The following MCMBP variants were observed in gnomAD, a reference collection of about 807,000 sequenced individuals.
The protein encoded by MCMBP is minichromosome maintenance complex binding protein.
In MCMBP, 31 loss-of-function variants were observed where a neutral mutation model predicts 81.3. The ratio of observed to expected loss-of-function variants is 0.38; its 90% confidence interval spans 0.29 to 0.51. The LOEUF is 0.51. Ranked by LOEUF, MCMBP falls within the 20% of genes least tolerant of loss-of-function variation. MCMBP has a pLI of 0.87. For synonymous variants in MCMBP, 267 were observed against 275.9 expected, an observed-to-expected ratio of 0.97 and a Z score of 0.32; for missense variants, 645 against 772.1, an observed-to-expected ratio of 0.84 and a Z score of 1.95.
chr10:119,845,031 C>T (rs1035352585), intron 8 of MCMBP, among the ~76,000 whole-genome samples: 1 of 152,114 alleles, frequency 6.6e-6, no homozygotes, highest in African/African-American at 2.4e-5. Context: ...TAATAAACTC[C>T]CCTTCATATA....
chr10:119,860,532 T>C (rs959376271), intron 1 of MCMBP, among the ~76,000 whole-genome samples: 15 of 152,180 alleles, frequency 9.9e-5, no homozygotes, highest in Non-Finnish European at 1.5e-4. Flanking sequence ...TACTTTTTAT[T>C]TAATCTACCA....
At position 119,830,278 on chromosome 10, in the gene MCMBP, G is replaced by A. The variant is rs989849905; in HGVS notation, c.*1196C>T. 1 of 152,612 alleles carries A rather than the reference G, an allele frequency of 6.6e-6. No individual in the cohort carries two copies. The highest frequency in any genetic ancestry group is 1.5e-5 in the Non-Finnish European group (1 of 68,036). The allele number at this position is 152,612 out of a possible 1,614,324, so 9.5% of individuals were successfully genotyped here. ...GGTAAGTTATTTGATACCACTGACA[G>A]CTTAAAAAGTAATGTCCTAACCTTT... is the stretch of plus-strand genomic sequence containing the variant. On this transcript the variant is annotated 3_prime_UTR_variant, in exon 16 of 16. Transcript: ENST00000369077.
intron 6 of MCMBP, 88 bp downstream of exon 6, chr10:119,852,962 A>G: frequency 6.8e-7 from 1 of 1,468,074 alleles, no homozygotes; most frequent in South Asian, 1.3e-5. Flanking sequence ...GCTCCTAAAT[A>G]TAGAGCTATA....
In MCMBP at chr10:119,849,446, C is replaced by A. The variant is rs1158635877; in HGVS notation, c.705G>T (p.Lys235Asn). Residue 235 changes from lysine (K) to asparagine (N), a missense_variant, in exon 7 of 16, where the codon AAG (lysine) becomes AAT (asparagine). Lys to Asn is a moderately conservative substitution (Grantham distance 94, BLOSUM62 0). Coordinates refer to ENST00000369077, the MANE Select transcript of MCMBP (RefSeq NM_001256378.2). ...FDLNFPLPGE[K>N]GPACLVKVYE... ...TTACCTTCACAAGGCATGCAGGGCCCTTCTCTCCTGGCAATGGAAAATTCA... is the reference window on the plus strand; with the variant it reads ...TTACCTTCACAAGGCATGCAGGGCCATTCTCTCCTGGCAATGGAAAATTCA... 5 of 1,610,334 alleles carry A rather than the reference C, an allele frequency of 3.1e-6. No individual in the cohort carries two copies. The highest frequency in any genetic ancestry group is 4.2e-6 in the Non-Finnish European group (5 of 1,178,876).
chr10:119,869,754 AAAAC>A (rs1853601406), intron 1 of MCMBP, among the ~76,000 whole-genome samples: 1 of 152,132 alleles, frequency 6.6e-6, no homozygotes, highest in Admixed American at 6.5e-5. Flanking sequence ...AGCAAAAACA[AAAAC>A]AAAACCCCTA....
chr10:119,837,109 C>G, intron 12 of MCMBP, 80 bp from the exon 13 acceptor site: 3 of 1,430,694 alleles, frequency 2.1e-6, no homozygotes, highest in Non-Finnish European at 1.9e-6. Flanking sequence ...CGATGATGAG[C>G]CATGAAGTTT....
chr10:119,838,947 A>G (rs1852342271), intron 11 of MCMBP, among the ~76,000 whole-genome samples: 1 of 152,188 alleles, frequency 6.6e-6, no homozygotes, highest in African/African-American at 2.4e-5. Flanking sequence ...AATCAATTTT[A>G]ATTTAACCAA....
intron 1 of MCMBP, among the ~76,000 whole-genome samples, chr10:119,868,308 C>T (rs1853543860): frequency 1.3e-5 from 2 of 152,142 alleles, no homozygotes; most frequent in Admixed American, 1.3e-4. Context: ...CACTTTTAAT[C>T]CCAGCTACTC....
At chr10:119,841,004 C>T in intron 10 of MCMBP, 44 bp from the exon 11 acceptor site, 6 of 1,134,904 alleles carry the variant, frequency 5.3e-6, no homozygotes, top group Non-Finnish European at 7.9e-6. Flanking sequence ...GAAGTGACTT[C>T]CTGATTTCTA....
intron 1 of MCMBP, 117 bp from the exon 2 acceptor site, chr10:119,860,001 A>G (rs2134392971): frequency 2.9e-6 from 2 of 686,288 alleles, no homozygotes; most frequent in East Asian, 5.3e-5. Context: ...ATTAGCTACT[A>G]TGATAGAATG....
chr10:119,848,931 C>T (rs546808692), intron 7 of MCMBP, among the ~76,000 whole-genome samples: 7 of 152,308 alleles, frequency 4.6e-5, no homozygotes, highest in South Asian at 4.1e-4. Flanking sequence ...AGATGTTCTT[C>T]GATTCTTTTA....
rs1308673413 is a variant in MCMBP at position 119,829,649 on chromosome 10, C to CT, written c.*1824dup. The CT allele has an allele frequency of 3.3e-5, 5 of 152,260 alleles. No individual in the cohort carries two copies. The highest frequency in any genetic ancestry group is 7.3e-5 in the Non-Finnish European group (5 of 68,122). 9.4% of individuals were successfully genotyped at this position (152,260 alleles called of 1,614,324 possible). ...ACTCCATTCCGCTGCCTGGGCGGGC[C>CT]TTGAGCAGGAAGGTCCCTCTTGCAC... is the stretch of plus-strand genomic sequence containing the variant. On this transcript the variant is annotated 3_prime_UTR_variant, in exon 16 of 16. Coordinates refer to ENST00000369077, the MANE Select transcript of MCMBP (RefSeq NM_001256378.2).
intron 9 of MCMBP, 143 bp from the exon 10 acceptor site, chr10:119,842,738 A>T (rs1852477459): frequency 1.1e-6 from 1 of 879,220 alleles, no homozygotes; most frequent in African/African-American, 1.7e-5. Context: ...AGTGATGCTA[A>T]TCTTAAAAAT....
chr10:119,866,154 TATC>T (rs1853442922), intron 1 of MCMBP, among the ~76,000 whole-genome samples: 1 of 147,450 alleles, frequency 6.8e-6, no homozygotes, highest in Non-Finnish European at 1.5e-5. Flanking sequence ...ACCATGAAAA[TATC>T]ATGGTAAATG....
In MCMBP at chr10:119,835,571, A is replaced by G. The variant is rs1456207646; in HGVS notation, c.1676T>C (p.Leu559Ser). The part of the protein sequence containing the change: ...FRIYLTLLRF[L>S]EYSISDEITK... ...TATTTCATCAGATATGCTATATTCC[A>G]AGAATCTCAAAAGAGTTAGATAAAT... is the stretch of plus-strand genomic sequence containing the variant. Residue 559 changes from leucine (L) to serine (S), a missense_variant, in exon 14 of 16, where the codon TTG becomes TCG. Transcript: ENST00000369077. 6.2e-7 allele frequency: 1 copy of G among 1,614,046 alleles called. No homozygotes were observed. The highest frequency in any genetic ancestry group is 8.5e-7 in the Non-Finnish European group (1 of 1,180,000).
At chr10:119,838,493 C>T (rs187251443) in intron 12 of MCMBP, 42 bp downstream of exon 12, 53 of 1,578,430 alleles carry the variant, frequency 3.4e-5, no homozygotes, top group South Asian at 1.6e-4. Context: ...GGCTTTAGTG[C>T]GAAGGAAGTC....
intron 1 of MCMBP, among the ~76,000 whole-genome samples, chr10:119,861,200 A>G (rs993324797): frequency 5.3e-5 from 8 of 152,204 alleles, no homozygotes; most frequent in African/African-American, 1.9e-4. Flanking sequence ...TCCTAACACC[A>G]TGTTTGAGCA....
At position 119,872,528 on chromosome 10, in the gene MCMBP, G is replaced by A. The variant is rs1853726069; in HGVS notation, c.57C>T (p.Phe19=). Residue 19 remains phenylalanine (F), a splice_region_variant and synonymous_variant, in exon 1 of 16, where the codon TTC becomes TTT. Transcript: ENST00000369077. ...CCGCCCCCCGGCGCCGCCACTCACC[G>A]AAGAATCCCTGCACGATTCCCAGCG... ...SHPLGIVQGF[F]AQNGVNPDWE... 4 of 1,191,806 alleles carry A rather than the reference G, an allele frequency of 3.4e-6. No individual in the cohort carries two copies. Among genetic ancestry groups the A allele is most frequent in the African/African-American group, 1.6e-5 (1 of 61,888 alleles). 73.8% of individuals were successfully genotyped at this position (1,191,806 alleles called of 1,614,324 possible).
chr10:119,869,690 T>G (rs1053037544), intron 1 of MCMBP, among the ~76,000 whole-genome samples: 1 of 152,072 alleles, frequency 6.6e-6, no homozygotes, highest in African/African-American at 2.4e-5. Flanking sequence ...GAGATCACAC[T>G]GTTGCACTCC....
Sources: allele counts gnomAD v4.1 joint callset (sites outside exome capture counted in the v4.1 genomes callset), GRCh38; gene constraint gnomAD v4.1.1; transcripts MANE v1.5; gene names NCBI Gene and HGNC (gene_info 2026-07-23, HGNC 2026-07-21).